The following NOL10 variants were observed in gnomAD, a reference collection of about 807,000 sequenced individuals.
NOL10 encodes the protein nucleolar protein 10, also known as H_NH0074G24.1.
NOL10 carries 58 observed loss-of-function variants against 103.5 expected under a neutral mutation model. That is an observed-to-expected ratio of 0.56 (90% CI 0.45 to 0.70). The LOEUF (loss-of-function observed/expected upper bound fraction) is 0.70. NOL10 is among the 30% of genes least tolerant of loss of function. The probability of loss-of-function intolerance (pLI) is 0.00; values close to 1 mark genes in which losing one functional copy is unlikely to be tolerated. For missense variants in NOL10, 763 were observed against 807.3 expected, an observed-to-expected ratio of 0.95 and a Z score of 0.67; for synonymous variants, 287 against 282.5, an observed-to-expected ratio of 1.02 and a Z score of -0.16.
At chr2:10,580,995 G>C (rs370076735) in intron 19 of NOL10, among the ~76,000 whole-genome samples, 7 of 152,296 alleles carry the variant, frequency 4.6e-5, no homozygotes, top group Admixed American at 3.9e-4. Flanking sequence ...TTAATTTTAA[G>C]TACTTTGCTT....
Position 10,603,133 on chromosome 2 carries a change from G to A in NOL10, c.1178C>T (p.Pro393Leu). 1 of 1,611,778 alleles carries A rather than the reference G, an allele frequency of 6.2e-7. No individual in the cohort carries two copies. Among genetic ancestry groups the A allele is most frequent in the Non-Finnish European group, 8.5e-7 (1 of 1,178,838 alleles). The change falls in exon 15 of 21, where the codon CCT (proline) becomes CTT (leucine). Residue 393 changes from proline to leucine, a missense_variant. Pro to Leu is a moderately conservative substitution (Grantham distance 98). Transcript: ENST00000381685. ...CCCATGCATATATGCCCGGAGGAAA[G>A]GAGATCCAATGAGGTGGGTGAGCCC... ...NLGLTHLIGSPFLRAYMHGFF... is the reference protein window; with the variant it reads ...NLGLTHLIGSLFLRAYMHGFF...
intron 19 of NOL10, among the ~76,000 whole-genome samples, chr2:10,581,136 A>G (rs1476770243): frequency 6.6e-6 from 1 of 152,214 alleles, no homozygotes; most frequent in Admixed American, 6.5e-5. Flanking sequence ...GCAACCACGA[A>G]ATCTGATGCC....
At chr2:10,646,201 T>C (rs899637375) in intron 12 of NOL10, among the ~76,000 whole-genome samples, 1 of 152,150 alleles carries the variant, frequency 6.6e-6, no homozygotes, top group African/African-American at 2.4e-5. Context: ...CTGAAAGATC[T>C]CCAGGAGCCT....
At position 10,577,645 on chromosome 2, in the gene NOL10, C is replaced by T. The variant is rs1355172668; in HGVS notation, c.1938G>A (p.Thr646=). The change falls in exon 20 of 21, where the codon ACG becomes ACA. Residue 646 remains threonine, a synonymous_variant. Coordinates refer to ENST00000381685, the MANE Select transcript of NOL10 (RefSeq NM_024894.4). The part of the protein sequence containing the change: ...TTVGSKQLTF[T]LKRSEQQKKQ... ...ATAAAAGACAACTCACCCTCTTTAA[C>T]GTGAATGTCAATTGTTTGCTGCCAA... The T allele has an allele frequency of 3.7e-6, 6 of 1,607,930 alleles. No individual in the cohort carries two copies. The highest frequency in any genetic ancestry group is 2.7e-5 in the African/African-American group (2 of 74,828).
chr2:10,630,884 C>T (rs752464931), intron 13 of NOL10, among the ~76,000 whole-genome samples: 7 of 152,202 alleles, frequency 4.6e-5, no homozygotes, highest in Non-Finnish European at 1.0e-4. Flanking sequence ...AAGATTTGAG[C>T]AACGACTTTC....
At chr2:10,599,999 G>A (rs1337072674) in intron 17 of NOL10, among the ~76,000 whole-genome samples, 1 of 151,208 alleles carries the variant, frequency 6.6e-6, no homozygotes, top group Non-Finnish European at 1.5e-5. Context: ...GACAGAGAAA[G>A]AATAAGCTTA....
At chr2:10,609,780 ATCTTT>A (rs1265294656) in intron 13 of NOL10, among the ~76,000 whole-genome samples, 1 of 152,176 alleles carries the variant, frequency 6.6e-6, no homozygotes, top group Non-Finnish European at 1.5e-5. Context: ...TAAAACAGCA[ATCTTT>A]TCTTTTCTAG....
rs199755786 is a variant in NOL10 at position 10,644,325 on chromosome 2, T to C, written c.1021A>G (p.Ile341Val). Residue 341 changes from isoleucine (I) to valine (V), a missense_variant, in exon 13 of 21, where the codon ATT becomes GTT. Ile to Val is a conservative substitution (Grantham distance 29, BLOSUM62 3). Transcript: ENST00000381685. ...NETPKMGIYYIPVLGPAPRWC... is the reference protein window; with the variant it reads ...NETPKMGIYYVPVLGPAPRWC... ...CTCCTCTTTGTATTACTTACTGGAA[T>C]GTAATAGATGCCCATCTTGGGGGTT... 2.9e-5 allele frequency: 45 copies of C among 1,529,082 alleles called. No homozygotes were observed. The highest frequency in any genetic ancestry group is 4.0e-5 in the Non-Finnish European group (45 of 1,138,084). The allele number at this position is 1,529,082 out of a possible 1,614,324, so 94.7% of individuals were successfully genotyped here. A position where few individuals can be genotyped will look rare whatever the true frequency, so the allele number is the denominator to read the frequency against.
In NOL10 at chr2:10,682,069, T is replaced by A. The variant is rs762128957; in HGVS notation, c.113A>T (p.Asp38Val). The A allele has an allele frequency of 6.9e-7, 1 of 1,443,944 alleles. No homozygotes were observed. Among genetic ancestry groups the A allele is most frequent in the South Asian group, 1.5e-5 (1 of 65,372 alleles). 89.4% of individuals were successfully genotyped at this position (1,443,944 alleles called of 1,614,324 possible). A position where few individuals can be genotyped will look rare whatever the true frequency, so the allele number is the denominator to read the frequency against. Residue 38 changes from aspartate to valine, a missense_variant and splice_region_variant, in exon 3 of 21, where the codon GAT (aspartate) becomes GTT (valine). Coordinates refer to ENST00000381685, the MANE Select transcript of NOL10 (RefSeq NM_024894.4). ...AATAAGTTCAATTCTCCTACGGACA[T>A]CTAAAAAGAGAGAAAAAAACAACTA... ...KKRALQKKDV[D>V]VRRRIELIQD...
chr2:10,606,350 C>T (rs61625832), intron 14 of NOL10, among the ~76,000 whole-genome samples: 5,674 of 151,746 alleles, frequency 0.037, 209 homozygotes, highest in African/African-American at 0.094. Context: ...ACAGACTGGG[C>T]GTGGTGGCTC....
At position 10,671,624 on chromosome 2, in the gene NOL10, T is replaced by G. The variant is rs1383678083; in HGVS notation, c.394A>C (p.Arg132=). 1 of 1,595,688 alleles carries G rather than the reference T, an allele frequency of 6.3e-7. No homozygotes were observed. The highest frequency in any genetic ancestry group is 8.5e-7 in the Non-Finnish European group (1 of 1,169,756). The change falls in exon 6 of 21, where the codon AGA becomes CGA. Residue 132 remains arginine, a synonymous_variant. Transcript: ENST00000381685. ...AAATCTCTCCCAAACTTTGGTATTC[T>G]GGTTTTGTAGTAAAAACCTGATTGC... ...HSQSGFYYKT[R]IPKFGRDFSY...
At position 10,666,334 on chromosome 2, in the gene NOL10, A is replaced by C. The variant is rs150648724; in HGVS notation, c.591+884T>G. Among the ~76,000 whole-genome samples the C allele has an allele frequency of 6.4e-3, 967 of 152,232 alleles. 14 individuals are homozygous for C. The highest frequency in any genetic ancestry group is 0.022 in the African/African-American group (905 of 41,544). On this transcript the variant is annotated intron_variant, in intron 8 of 20. Transcript: ENST00000381685. ...AATAAATTATAGTACAAACAACAGA[A>C]TGCTATCTGTAAACTATCATTTTTT...
At chr2:10,662,829 T>A in intron 9 of NOL10, 130 bp downstream of exon 9, 1 of 719,360 alleles carries the variant, frequency 1.4e-6, no homozygotes, top group Non-Finnish European at 2.3e-6. Flanking sequence ...CAGGAGAGGA[T>A]CTTTATGAAA....
chr2:10,666,277 A>C (rs761415572), intron 8 of NOL10, among the ~76,000 whole-genome samples: 1 of 152,222 alleles, frequency 6.6e-6, no homozygotes, highest in Non-Finnish European at 1.5e-5. Flanking sequence ...GTAAAAAAAA[A>C]ACCATTAATT....
chr2:10,609,461 G>A (rs188890105), intron 13 of NOL10, among the ~76,000 whole-genome samples: 21 of 148,558 alleles, frequency 1.4e-4, no homozygotes, highest in African/African-American at 4.5e-4. Context: ...AAAATCAGGC[G>A]CGGTGGCGGA....
chr2:10,638,628 A>G (rs1678476001), intron 13 of NOL10, among the ~76,000 whole-genome samples: 1 of 149,746 alleles, frequency 6.7e-6, no homozygotes, highest in Non-Finnish European at 1.5e-5. Context: ...AGTAGCTGGG[A>G]TTACAGGTGC....
At chr2:10,649,474 C>T (rs1249194690) in intron 12 of NOL10, among the ~76,000 whole-genome samples, 3 of 151,930 alleles carry the variant, frequency 2.0e-5, no homozygotes, top group Non-Finnish European at 4.4e-5. Flanking sequence ...GCACCTGCCA[C>T]CACGCTCAGC....
intron 13 of NOL10, among the ~76,000 whole-genome samples, chr2:10,635,901 A>AT (rs1014594338): frequency 1.8e-4 from 28 of 152,156 alleles, no homozygotes; most frequent in South Asian, 8.3e-4. Flanking sequence ...TGTATTTCTT[A>AT]TTTTTTTTAA....
At chr2:10,637,608 A>C (rs1381436139) in intron 13 of NOL10, among the ~76,000 whole-genome samples, 2 of 152,200 alleles carry the variant, frequency 1.3e-5, no homozygotes, top group African/African-American at 4.8e-5. Flanking sequence ...TTCACTAAAC[A>C]ACCTTTTATT....
Sources: allele counts gnomAD v4.1 joint callset (sites outside exome capture counted in the v4.1 genomes callset), GRCh38; gene constraint gnomAD v4.1.1; transcripts MANE v1.5; gene names NCBI Gene and HGNC (gene_info 2026-07-23, HGNC 2026-07-21).